Variants in BCAR1 observed in about 807,000 individuals in gnomAD.
BCAR1 encodes breast cancer anti-estrogen resistance protein 1.
A neutral mutation model predicts 67.6 loss-of-function variants in BCAR1; 30 were observed. The observed-to-expected ratio is 0.44, with a 90% CI of 0.33 to 0.60. The LOEUF (loss-of-function observed/expected upper bound fraction) is 0.60. BCAR1 is among the 20% of genes least tolerant of loss of function. BCAR1 has a pLI of 0.02. For synonymous variants in BCAR1, 626 were observed against 556.7 expected, an observed-to-expected ratio of 1.12 and a Z score of -1.75; for missense variants, 1,313 against 1,222.3, an observed-to-expected ratio of 1.07 and a Z score of -1.11.
At chr16:75,260,558 C>T (rs574929868) in intron 1 of BCAR1, among the ~76,000 whole-genome samples, 3 of 149,330 alleles carry the variant, frequency 2.0e-5, no homozygotes, top group South Asian at 2.2e-4. Context: ...CACTTGAACC[C>T]GGGAGACAAA....
At chr16:75,258,934 G>A (rs1402652923) in intron 1 of BCAR1, among the ~76,000 whole-genome samples, 1 of 152,218 alleles carries the variant, frequency 6.6e-6, no homozygotes, top group Non-Finnish European at 1.5e-5. Flanking sequence ...AAAAAAAGAG[G>A]GAGCCCAGGA....
chr16:75,247,786 T>C, intron 1 of BCAR1: 2 of 501,818 alleles, frequency 4.0e-6, no homozygotes, highest in South Asian at 2.2e-5. Context: ...GGCTCATATC[T>C]GGCCTGCACC....
intron 2 of BCAR1, among the ~76,000 whole-genome samples, chr16:75,241,372 C>T (rs1157986092): frequency 2.0e-5 from 3 of 152,142 alleles, no homozygotes; most frequent in African/African-American, 4.8e-5. Flanking sequence ...AGGCATCATG[C>T]ACGTGTGTTC....
In BCAR1 at chr16:75,234,962, T is replaced by C. The variant is rs576248634; in HGVS notation, c.1937A>G (p.Gln646Arg). ...PLPSPPKFTS[Q>R]DSPDGQYENS... ...CTCGTACTGCCCATCTGGCGAGTCC[T>C]GGGAGGTGAACTTAGGGGGTGAGGG... The change falls in exon 5 of 7, where the codon CAG becomes CGG. Residue 646 changes from glutamine (Q) to arginine (R), a missense_variant. Physicochemically the swap from Gln to Arg is conservative, Grantham distance 43. Transcript: ENST00000162330. 1 of 1,598,108 alleles carries C rather than the reference T, an allele frequency of 6.3e-7. No individual in the cohort carries two copies. The highest frequency in any genetic ancestry group is 1.1e-5 in the South Asian group (1 of 89,556).
At chr16:75,237,046 G>T in intron 3 of BCAR1, 48 bp from the exon 4 acceptor site, 1 of 1,541,804 alleles carries the variant, frequency 6.5e-7, no homozygotes, top group Non-Finnish European at 8.8e-7. Flanking sequence ...CCACTTGGGG[G>T]AATAGGAAAG....
intron 1 of BCAR1, chr16:75,248,720 C>G (rs2077593990): frequency 6.5e-6 from 1 of 154,144 alleles, no homozygotes; most frequent in Non-Finnish European, 1.4e-5. Context: ...CGTTCCAGAG[C>G]CACCCCAGGG....
upstream of BCAR1, chr16:75,252,534 G>C: frequency 1.1e-6 from 1 of 916,140 alleles, no homozygotes; most frequent in Non-Finnish European, 1.5e-6. Flanking sequence ...CAGGGTGCCA[G>C]AGCCCCTGGG....
chr16:75,263,329 G>A (rs1049653299), intron 1 of BCAR1: 4 of 985,360 alleles, frequency 4.1e-6, no homozygotes, highest in Non-Finnish European at 4.8e-6. Flanking sequence ...TCTGAGGTGG[G>A]TGGCACATTT....
At chr16:75,246,852 A>C (rs1315700190) in intron 1 of BCAR1, 2 of 152,226 alleles carry the variant, frequency 1.3e-5, no homozygotes, top group African/African-American at 4.8e-5. Flanking sequence ...CTAGGGCATG[A>C]CCCAAGCTGG....
In BCAR1 at chr16:75,233,886, C is replaced by T; in HGVS notation, c.2060G>A (p.Ser687Asn). Residue 687 changes from serine to asparagine, a missense_variant, in exon 6 of 7, where the codon AGC (serine) becomes AAC (asparagine). Transcript: ENST00000162330. ...CTGGCTCTTGCCCTGCCGCGTGATG[C>T]TGCCCTTTTCCAGCAGCTCCTTCTG... ...KTQKELLEKG[S>N]ITRQGKSQLE... The T allele has an allele frequency of 6.2e-7, 1 of 1,610,756 alleles. No homozygotes were observed. Among genetic ancestry groups the T allele is most frequent in the Non-Finnish European group, 8.5e-7 (1 of 1,178,708 alleles).
rs150653012 is a variant in BCAR1, at chr16:75,242,340, T to C, written c.633+130A>G. 6.4e-4 allele frequency: 828 copies of C among 1,285,426 alleles called. 6 individuals carry two copies. In the African/African-American group the frequency reaches 0.011, roughly 18 times the overall value. The allele number at this position is 1,285,426 out of a possible 1,614,324, so 79.6% of individuals were successfully genotyped here. ...CCCCCCAAACACTCACTTCCCACTT[T>C]GACCCCAGACCAAACACACAGCCAC... On this transcript the variant is annotated intron_variant, in intron 2 of 6. Coordinates refer to ENST00000162330, the MANE Select transcript of BCAR1 (RefSeq NM_014567.5).
chr16:75,238,555 G>A lies in BCAR1; in HGVS notation c.634-1211C>T, dbSNP rs565181917. 4.0e-6 allele frequency: 4 copies of A among 989,654 alleles called. 1 individual carries two copies. In the South Asian group the frequency reaches 1.4e-4, roughly 34 times the overall value. The allele number at this position is 989,654 out of a possible 1,614,324, so 61.3% of individuals were successfully genotyped here. On this transcript the variant is annotated intron_variant, in intron 2 of 6. Coordinates refer to ENST00000162330, the MANE Select transcript of BCAR1 (RefSeq NM_014567.5). ...GGGGGCGCTGAGCATGGGGGTGGCA[G>A]AGGCGCCAGCACCCCCCAGCAGCCG...
intron 6 of BCAR1, among the ~76,000 whole-genome samples, chr16:75,230,344 C>T (rs2076859606): frequency 6.6e-6 from 1 of 152,130 alleles, no homozygotes; most frequent in South Asian, 2.1e-4. Flanking sequence ...GGTACTGTCC[C>T]ACGTGACTTG....
At chr16:75,245,678 G>C (rs1435438996) in intron 1 of BCAR1, among the ~76,000 whole-genome samples, 1 of 152,214 alleles carries the variant, frequency 6.6e-6, no homozygotes, top group East Asian at 1.9e-4. Context: ...CGTGGCACCA[G>C]GCGCCTGGCA....
intron 1 of BCAR1, among the ~76,000 whole-genome samples, chr16:75,244,454 A>G (rs904610791): frequency 1.3e-5 from 2 of 152,200 alleles, no homozygotes; most frequent in South Asian, 2.1e-4. Context: ...CTCCTCCCCT[A>G]TATGAGCAGG....
chr16:75,266,075 C>T, intron 1 of BCAR1: 1 of 1,010,756 alleles, frequency 9.9e-7, no homozygotes, highest in Non-Finnish European at 1.2e-6. Context: ...GGACCCCGGA[C>T]CTAGGCCTTT....
chr16:75,244,674 A>C (rs2077461792), intron 1 of BCAR1, among the ~76,000 whole-genome samples: 1 of 152,222 alleles, frequency 6.6e-6, no homozygotes, highest in African/African-American at 2.4e-5. Context: ...AAAGGGCCAG[A>C]GGCTGGAGTG....
At position 75,234,870 on chromosome 16, in the gene BCAR1, C is replaced by T; in HGVS notation, c.2010+19G>A. 1 of 1,520,596 alleles carries T rather than the reference C, an allele frequency of 6.6e-7. No individual in the cohort carries two copies. The highest frequency in any genetic ancestry group is 1.4e-5 in the African/African-American group (1 of 72,180). 94.2% of individuals were successfully genotyped at this position (1,520,596 alleles called of 1,614,324 possible). A position where few individuals can be genotyped will look rare whatever the true frequency, so the allele number is the denominator to read the frequency against. ...CAGCGTGGCAGAAGAGGAGCCGGGG[C>T]TGGGCAGGCGGCACCCACCTGTAGG... On this transcript the variant is annotated intron_variant, in intron 5 of 6. Transcript: ENST00000162330.
At position 75,242,554 on chromosome 16, in the gene BCAR1, A is replaced by T; in HGVS notation, c.549T>A (p.Pro183=). 6.7e-7 allele frequency: 1 copy of T among 1,490,994 alleles called. No homozygotes were observed. Among genetic ancestry groups the T allele is most frequent in the Non-Finnish European group, 8.9e-7 (1 of 1,120,608 alleles). 92.4% of individuals were successfully genotyped at this position (1,490,994 alleles called of 1,614,324 possible). ...AGATGTCATGCCCCATCCCGGCAGA[A>T]GGTGGCACCTGGTAAATATCCTGGG... ...GPAQDIYQVP[P]SAGMGHDIYQ... The change falls in exon 2 of 7, where the codon CCT becomes CCA. Residue 183 remains proline, a synonymous_variant. Transcript: ENST00000162330.
Sources: gnomAD v4.1 joint callset for allele counts (sites outside exome capture counted in the v4.1 genomes callset) on GRCh38, gnomAD v4.1.1 for gene constraint, MANE v1.5 for transcripts, NCBI Gene and HGNC (gene_info 2026-07-23, HGNC 2026-07-21) for gene names.